The following CAPN1 variants were observed in gnomAD, a reference collection of about 807,000 sequenced individuals.
The protein encoded by CAPN1 is calpain-1 catalytic subunit.
Under a neutral mutation model 105.2 loss-of-function variants are expected in CAPN1, and 77 were observed. The observed-to-expected ratio is 0.73, with a 90% CI of 0.61 to 0.88. The LOEUF (loss-of-function observed/expected upper bound fraction) is 0.88. Among genes scored for constraint, CAPN1 ranks in the 40% least tolerant of loss-of-function variants. The pLI is 0.00. For missense variants in CAPN1, 833 were observed against 976.6 expected (o/e 0.85, Z 1.96); for synonymous variants, 355 against 388.8 (o/e 0.91, Z 1.02).
At chr11:65,190,813 G>C (rs1018127670) in intron 10 of CAPN1, among the ~76,000 whole-genome samples, 22 of 151,862 alleles carry the variant, frequency 1.4e-4, no homozygotes, top group Non-Finnish European at 2.4e-4. Context: ...CCTGGGTTCA[G>C]ATGATGCTTC....
At position 65,210,150 on chromosome 11, in the gene CAPN1, G is replaced by A. The variant is rs1416450692; in HGVS notation, c.1942+54G>A. ...GGGGCCCAGGACAGGTAGCCCCACT[G>A]CTCCTATGCCCCAGGCCCTTGTCCC... On this transcript the variant is annotated intron_variant, in intron 19 of 21. Transcript: ENST00000279247. The surrounding 1 kb of genome is among the most constrained non-coding windows in gnomAD (Gnocchi z 4.3). The A allele has an allele frequency of 5.5e-6, 8 of 1,446,790 alleles. No individual in the cohort carries two copies. Among genetic ancestry groups the A allele is most frequent in the Non-Finnish European group, 6.8e-6 (7 of 1,029,864 alleles). 89.6% of individuals were successfully genotyped at this position (1,446,790 alleles called of 1,614,324 possible). A position where few individuals can be genotyped will look rare whatever the true frequency, so the allele number is the denominator to read the frequency against.
chr11:65,192,276 G>A (rs965936380), intron 10 of CAPN1, among the ~76,000 whole-genome samples: 7 of 152,260 alleles, frequency 4.6e-5, no homozygotes, highest in African/African-American at 9.6e-5. Context: ...CTTTTCTAAC[G>A]TTAAATCAAC....
At chr11:65,191,094 A>T (rs1948713157) in intron 10 of CAPN1, among the ~76,000 whole-genome samples, 1 of 152,218 alleles carries the variant, frequency 6.6e-6, no homozygotes, top group African/African-American at 2.4e-5. Context: ...TTAATTTGGA[A>T]TTACATGAAA....
chr11:65,200,196 C>G (rs143194558), intron 10 of CAPN1, among the ~76,000 whole-genome samples: 16 of 152,194 alleles, frequency 1.1e-4, no homozygotes, highest in Admixed American at 9.8e-4. Flanking sequence ...ACTACAGGCA[C>G]ACACCACCAT....
At position 65,181,952 on chromosome 11, in the gene CAPN1, T is replaced by C. The variant is rs1482190250; in HGVS notation, c.-63T>C. The C allele has an allele frequency of 6.0e-6, 1 of 166,942 alleles. No individual in the cohort carries two copies. The highest frequency in any genetic ancestry group is 1.3e-5 in the Non-Finnish European group (1 of 76,302). 10.3% of individuals were successfully genotyped at this position (166,942 alleles called of 1,614,324 possible). On this transcript the variant is annotated 5_prime_UTR_variant, in exon 1 of 22. Transcript: ENST00000279247. The surrounding 1 kb of genome is among the most constrained non-coding windows in gnomAD (Gnocchi z 4.6). ...CGCTCTTCCTGGTTGGGCCCTGCCCTGAGCTGCCACCGGGAAGCCAGCCTC... is the reference window on the plus strand; with the variant it reads ...CGCTCTTCCTGGTTGGGCCCTGCCCCGAGCTGCCACCGGGAAGCCAGCCTC...
chr11:65,211,528 C>G lies in CAPN1; in HGVS notation c.*242C>G. 1 of 580,994 alleles carries G rather than the reference C, an allele frequency of 1.7e-6. No individual in the cohort carries two copies. Among genetic ancestry groups the G allele is most frequent in the South Asian group, 2.1e-5 (1 of 48,054 alleles). 36.0% of individuals were successfully genotyped at this position (580,994 alleles called of 1,614,324 possible). A position where few individuals can be genotyped will look rare whatever the true frequency, so the allele number is the denominator to read the frequency against. ...TGGACTCCCTGGGCCCCACCCATTG[C>G]CAAGCCAGGAAGGCAGCTTTCGCTT... On this transcript the variant is annotated 3_prime_UTR_variant, in exon 22 of 22. Transcript: ENST00000279247.
chr11:65,185,527 G>C (rs1948619230), intron 4 of CAPN1, among the ~76,000 whole-genome samples: 1 of 151,848 alleles, frequency 6.6e-6, no homozygotes, highest in African/African-American at 2.4e-5. Context: ...CCCCACAAAA[G>C]ACAGTATTAC....
At position 65,204,689 on chromosome 11, in the gene CAPN1, T is replaced by C; in HGVS notation, c.1172T>C (p.Phe391Ser). The change falls in exon 11 of 22, where the codon TTC becomes TCC. Residue 391 changes from phenylalanine (F) to serine (S), a missense_variant. Transcript: ENST00000279247. ...AGGCRNYPAT[F>S]WVNPQFKIRL... ...CCTCCTCACCTGCCCGCAGCCACCTTCTGGGTGAACCCTCAGTTCAAGATC... is the reference window on the plus strand; with the variant it reads ...CCTCCTCACCTGCCCGCAGCCACCTCCTGGGTGAACCCTCAGTTCAAGATC... The C allele has an allele frequency of 1.2e-6, 2 of 1,609,652 alleles. No homozygotes were observed. The highest frequency in any genetic ancestry group is 1.7e-6 in the Non-Finnish European group (2 of 1,176,934).
In CAPN1 at chr11:65,186,034, G is replaced by A; in HGVS notation, c.574G>A (p.Glu192Lys). 6.2e-7 allele frequency: 1 copy of A among 1,611,660 alleles called. No homozygotes were observed. Among genetic ancestry groups the A allele is most frequent in the Non-Finnish European group, 8.5e-7 (1 of 1,178,896 alleles). ...CAACGAGTTCTGGAGCGCCCTGCTTGAGAAGGCCTATGCCAAGTGAGTAGC... is the reference window on the plus strand; with the variant it reads ...CAACGAGTTCTGGAGCGCCCTGCTTAAGAAGGCCTATGCCAAGTGAGTAGC... ...EGNEFWSALLEKAYAKVNGSY... is the reference protein window; with the variant it reads ...EGNEFWSALLKKAYAKVNGSY... Residue 192 changes from glutamate (E) to lysine (K), a missense_variant, in exon 5 of 22, where the codon GAG becomes AAG. Physicochemically the swap from Glu to Lys is moderately conservative, Grantham distance 56. Transcript: ENST00000279247.
rs1948541617 is a variant in CAPN1, at chr11:65,182,011, C to T, written c.-4C>T. 1 of 157,906 alleles carries T rather than the reference C, an allele frequency of 6.3e-6. No individual in the cohort carries two copies. Among genetic ancestry groups the T allele is most frequent in the South Asian group, 1.6e-4 (1 of 6,204 alleles). 9.8% of individuals were successfully genotyped at this position (157,906 alleles called of 1,614,324 possible). ...CAGCGACCCCCAAACACCCCTCCCC[C>T]AGGTAAGAAGCTGGGTAGCCGAGCC... On this transcript the variant is annotated splice_region_variant and 5_prime_UTR_variant, in exon 1 of 22. Transcript: ENST00000279247.
Position 65,195,421 on chromosome 11 carries a change from C to T in CAPN1, c.1165+6675C>T, listed in dbSNP as rs180787534. Among the ~76,000 whole-genome samples the T allele has an allele frequency of 2.6e-4, 40 of 152,212 alleles. 2 individuals carry two copies. The highest frequency in any genetic ancestry group is 1.8e-3 in the Admixed American group (27 of 15,294). On this transcript the variant is annotated intron_variant, in intron 10 of 21. Coordinates refer to ENST00000279247, the MANE Select transcript of CAPN1 (RefSeq NM_005186.4). Reference sequence around the variant, plus strand: ...GATTACAGGTGTTAGCCACCGCGCCCGGCCAATTTTCTGAATTTTTAAAAT... The same window carrying T: ...GATTACAGGTGTTAGCCACCGCGCCTGGCCAATTTTCTGAATTTTTAAAAT...
At chr11:65,195,100 G>GTTTTTTT (rs60778423) in intron 10 of CAPN1, among the ~76,000 whole-genome samples, 1 of 90,904 alleles carries the variant, frequency 1.1e-5, no homozygotes, top group Admixed American at 1.4e-4. Flanking sequence ...GTTTTTTGGG[G>GTTTTTTT]TTTTTTTTTT....
chr11:65,185,313 G>C lies in CAPN1; in HGVS notation c.457-604G>C, dbSNP rs113937780. ...AGGTTATAGTGGCAAGACAGACTATGGAAGGGGGAGAAAAGGGGGCCTGGG... is the reference window on the plus strand; with the variant it reads ...AGGTTATAGTGGCAAGACAGACTATCGAAGGGGGAGAAAAGGGGGCCTGGG... On this transcript the variant is annotated intron_variant, in intron 4 of 21. Coordinates refer to ENST00000279247, the MANE Select transcript of CAPN1 (RefSeq NM_005186.4). Among the ~76,000 whole-genome samples the C allele has an allele frequency of 6.8e-3, 1,033 of 152,032 alleles. 8 individuals carry two copies. The highest frequency in any genetic ancestry group is 0.023 in the African/African-American group (973 of 41,442).
At chr11:65,207,846 G>A (rs996597093) in intron 14 of CAPN1, among the ~76,000 whole-genome samples, 4 of 152,112 alleles carry the variant, frequency 2.6e-5, no homozygotes, top group African/African-American at 7.2e-5. Context: ...CCCGGGAGGC[G>A]GAGGTTGCAG....
At position 65,209,780 on chromosome 11, in the gene CAPN1, T is replaced by C; in HGVS notation, c.1795-69T>C. ...TTGCCGGCTCGGCGGCCATCTCCCC[T>C]TCTGCACAGTTGCCCACTCTCCCAT... On this transcript the variant is annotated intron_variant, in intron 17 of 21. Coordinates refer to ENST00000279247, the MANE Select transcript of CAPN1 (RefSeq NM_005186.4). This position sits in a 1 kb window ranked among gnomAD's most constrained non-coding sequence, Gnocchi z 4.1. The C allele has an allele frequency of 1.3e-6, 2 of 1,507,370 alleles. No individual in the cohort carries two copies. The highest frequency in any genetic ancestry group is 1.8e-6 in the Non-Finnish European group (2 of 1,097,238). The allele number at this position is 1,507,370 out of a possible 1,614,324, so 93.4% of individuals were successfully genotyped here. A position where few individuals can be genotyped will look rare whatever the true frequency, so the allele number is the denominator to read the frequency against.
rs755687534 is a variant in CAPN1, at chr11:65,210,348, A to G, written c.1955A>G (p.Asn652Ser). Residue 652 changes from asparagine to serine, a missense_variant, in exon 20 of 22, where the codon AAC becomes AGC. Coordinates refer to ENST00000279247, the MANE Select transcript of CAPN1 (RefSeq NM_005186.4). The surrounding 1 kb of genome is among the most constrained non-coding windows in gnomAD (Gnocchi z 4.3). ...MAIESAGFKLNKKLYELIITR... is the reference protein window; with the variant it reads ...MAIESAGFKLSKKLYELIITR... The stretch of plus-strand genomic sequence containing the variant: ...TCTCCTGGACCAGGCTTCAAGCTCA[A>G]CAAGAAGCTGTACGAGCTCATCATC... The G allele has an allele frequency of 9.3e-6, 15 of 1,610,852 alleles. No individual in the cohort carries two copies. The highest frequency in any genetic ancestry group is 1.1e-5 in the Non-Finnish European group (13 of 1,177,652).
At chr11:65,190,604 G>GAT (rs1324438612) in intron 10 of CAPN1, among the ~76,000 whole-genome samples, 1 of 152,108 alleles carries the variant, frequency 6.6e-6, no homozygotes, top group African/African-American at 2.4e-5. Context: ...TCCCTCTGCC[G>GAT]ATAACACATT....
rs1484368180 is a variant in CAPN1 at position 65,209,080 on chromosome 11, T to G, written c.1730-243T>G. The G allele has an allele frequency of 1.8e-6, 1 of 569,316 alleles. No homozygotes were observed. The highest frequency in any genetic ancestry group is 3.2e-6 in the Non-Finnish European group (1 of 316,480). The allele number at this position is 569,316 out of a possible 1,614,324, so 35.3% of individuals were successfully genotyped here. ...CTTTCTACCCAATTTCTCGCTCTTC[T>G]GTTTCACACTCATTTCTTTTTACTT... On this transcript the variant is annotated intron_variant, in intron 16 of 21. Coordinates refer to ENST00000279247, the MANE Select transcript of CAPN1 (RefSeq NM_005186.4). This position sits in a 1 kb window ranked among gnomAD's most constrained non-coding sequence, Gnocchi z 4.1.
chr11:65,209,105 T>C lies in CAPN1; in HGVS notation c.1730-218T>C. ...TGTTTCACACTCATTTCTTTTTACTTTGGACTAATTGTGGCTGTTGGGACT... is the reference window on the plus strand; with the variant it reads ...TGTTTCACACTCATTTCTTTTTACTCTGGACTAATTGTGGCTGTTGGGACT... On this transcript the variant is annotated intron_variant, in intron 16 of 21. Coordinates refer to ENST00000279247, the MANE Select transcript of CAPN1 (RefSeq NM_005186.4). The surrounding 1 kb of genome is among the most constrained non-coding windows in gnomAD (Gnocchi z 4.1). The C allele has an allele frequency of 1.7e-6, 1 of 589,578 alleles. No individual in the cohort carries two copies. The allele number at this position is 589,578 out of a possible 1,614,324, so 36.5% of individuals were successfully genotyped here. A position where few individuals can be genotyped will look rare whatever the true frequency, so the allele number is the denominator to read the frequency against.
Sources: gnomAD v4.1 joint callset for allele counts (sites outside exome capture counted in the v4.1 genomes callset) on GRCh38, gnomAD v4.1.1 for gene constraint, Gnocchi (gnomAD v3.1) non-coding constraint, MANE v1.5 for transcripts, NCBI Gene and HGNC (gene_info 2026-07-23, HGNC 2026-07-21) for gene names.